PKN2: variants seen among roughly 807,000 people sequenced by gnomAD.
The protein encoded by PKN2 is protein kinase N2, also known as serine/threonine-protein kinase N2.
A neutral mutation model predicts 119.1 loss-of-function variants in PKN2; 38 were observed. The observed-to-expected ratio is 0.32, with a 90% CI of 0.25 to 0.42. The LOEUF (loss-of-function observed/expected upper bound fraction) is 0.42, where lower values mean the gene tolerates loss of function less well. Among genes scored for constraint, PKN2 ranks in the 10% least tolerant of loss-of-function variants. The probability of loss-of-function intolerance (pLI) is 1.00; values close to 1 mark genes in which losing one functional copy is unlikely to be tolerated. For synonymous variants in PKN2, 390 were observed against 384.9 expected (o/e 1.01, Z -0.15); for missense variants, 850 against 1,165.1 (o/e 0.73, Z 3.94).
intron 6 of PKN2, among the ~76,000 whole-genome samples, chr1:88,774,988 C>T (rs71666205): frequency 0.055 from 8,431 of 152,234 alleles, 327 homozygotes; most frequent in Non-Finnish European, 0.088. Context: ...GGATTATAGG[C>T]GTGAGCCACT....
chr1:88,692,891 G>C (rs1666386576), intron 1 of PKN2, among the ~76,000 whole-genome samples: 1 of 152,076 alleles, frequency 6.6e-6, no homozygotes, highest in South Asian at 2.1e-4. Context: ...TCATCAACAG[G>C]CTTGTATTTA....
chr1:88,816,816 C>A (rs1672014751), intron 16 of PKN2: 1 of 152,086 alleles, frequency 6.6e-6, no homozygotes, highest in Admixed American at 6.5e-5. Context: ...AAATTGGAAC[C>A]TTATAGAGAA....
intron 3 of PKN2, 47 bp from the exon 4 acceptor site, chr1:88,770,305 A>AT: frequency 9.1e-7 from 1 of 1,096,266 alleles, no homozygotes; most frequent in Non-Finnish European, 1.4e-6. Context: ...AAAATGTTTC[A>AT]TTTTTCCCTT....
intron 18 of PKN2, among the ~76,000 whole-genome samples, chr1:88,827,440 T>C (rs1261666890): frequency 6.6e-6 from 1 of 151,918 alleles, no homozygotes; most frequent in East Asian, 1.9e-4. Context: ...ATACATAGCC[T>C]GAAGGTAAAT....
At chr1:88,760,593 T>G (rs965357056) in intron 3 of PKN2, among the ~76,000 whole-genome samples, 1 of 152,186 alleles carries the variant, frequency 6.6e-6, no homozygotes, top group Non-Finnish European at 1.5e-5. Flanking sequence ...TGATTTTGCC[T>G]TCTTAAGCTA....
At chr1:88,738,732 A>G (rs1323826922) in intron 1 of PKN2, among the ~76,000 whole-genome samples, 1 of 152,252 alleles carries the variant, frequency 6.6e-6, no homozygotes, top group African/African-American at 2.4e-5. Flanking sequence ...AGCAGTTCAT[A>G]AAGTGTTTTC....
chr1:88,706,945 G>A (rs138407583), intron 1 of PKN2, among the ~76,000 whole-genome samples: 4 of 151,908 alleles, frequency 2.6e-5, no homozygotes, highest in Non-Finnish European at 4.4e-5. Flanking sequence ...CTCATCTCCA[G>A]TCTCATTGTC....
At chr1:88,829,275 A>AT in intron 19 of PKN2, 1 of 652,812 alleles carries the variant, frequency 1.5e-6, no homozygotes, top group Non-Finnish European at 2.9e-6. Context: ...AATGAAACCA[A>AT]TGAGGTCAAT....
intron 1 of PKN2, among the ~76,000 whole-genome samples, chr1:88,713,395 A>C (rs1667319992): frequency 6.6e-6 from 1 of 152,188 alleles, no homozygotes; most frequent in South Asian, 2.1e-4. Context: ...TCCCACCAAC[A>C]GTGTAAAAGT....
At chr1:88,691,774 A>G (rs1489237628) in intron 1 of PKN2, among the ~76,000 whole-genome samples, 3 of 152,202 alleles carry the variant, frequency 2.0e-5, no homozygotes, top group Admixed American at 2.0e-4. Flanking sequence ...CTGTGGTCCA[A>G]AAATAGGTGA....
intron 2 of PKN2, among the ~76,000 whole-genome samples, chr1:88,752,406 A>G (rs1669039308): frequency 6.6e-6 from 1 of 152,166 alleles, no homozygotes; most frequent in Non-Finnish European, 1.5e-5. Flanking sequence ...TACAGTAAGT[A>G]AAATCTTTAC....
At chr1:88,746,553 A>G (rs1000864850) in intron 2 of PKN2, among the ~76,000 whole-genome samples, 1 of 152,128 alleles carries the variant, frequency 6.6e-6, no homozygotes, top group Non-Finnish European at 1.5e-5. Context: ...TAAAACCACG[A>G]TGAGATACCA....
intron 1 of PKN2, among the ~76,000 whole-genome samples, chr1:88,731,909 A>G (rs920755477): frequency 1.3e-5 from 2 of 152,338 alleles, no homozygotes; most frequent in Middle Eastern, 3.4e-3. Context: ...AGTTTGTTGA[A>G]GTATATTAAA....
intron 8 of PKN2, among the ~76,000 whole-genome samples, chr1:88,799,751 G>A (rs759063183): frequency 2.6e-5 from 4 of 152,118 alleles, no homozygotes; most frequent in Non-Finnish European, 5.9e-5. Context: ...GAGTGATAAT[G>A]GATTTCTACT....
intron 1 of PKN2, among the ~76,000 whole-genome samples, chr1:88,712,427 G>A (rs1369344149): frequency 6.6e-6 from 1 of 152,052 alleles, no homozygotes; most frequent in African/African-American, 2.4e-5. Context: ...TAGGCCACTG[G>A]TACCCCTTCC....
chr1:88,716,492 A>G (rs1028443146), intron 1 of PKN2, among the ~76,000 whole-genome samples: 2 of 152,166 alleles, frequency 1.3e-5, no homozygotes, highest in East Asian at 1.9e-4. Flanking sequence ...TTGGGTGCAT[A>G]TATATTTAAG....
At chr1:88,751,022 A>G (rs968768176) in intron 2 of PKN2, among the ~76,000 whole-genome samples, 1 of 152,180 alleles carries the variant, frequency 6.6e-6, no homozygotes, top group Non-Finnish European at 1.5e-5. Flanking sequence ...TTCATTTGCT[A>G]CAGAATACAG....
intron 3 of PKN2, among the ~76,000 whole-genome samples, chr1:88,762,714 T>G (rs756578500): frequency 3.9e-5 from 6 of 152,208 alleles, no homozygotes; most frequent in Non-Finnish European, 7.3e-5. Context: ...AATAGTGATT[T>G]GTTTGACTGA....
intron 12 of PKN2, chr1:88,806,361 G>A: frequency 3.8e-6 from 1 of 265,986 alleles, no homozygotes; most frequent in Non-Finnish European, 7.3e-6. Context: ...GTAGAGATGG[G>A]ATTTCATTAT....
Sources: allele counts gnomAD v4.1 joint callset (sites outside exome capture counted in the v4.1 genomes callset), GRCh38; gene constraint gnomAD v4.1.1; transcripts MANE v1.5; gene names NCBI Gene and HGNC (gene_info 2026-07-23, HGNC 2026-07-21).